The following LDHD variants were observed in gnomAD, a reference collection of about 807,000 sequenced individuals.
LDHD encodes D-lactate dehydrogenase, mitochondrial.
In LDHD, 58 loss-of-function variants were observed where a neutral mutation model predicts 52.9. The observed-to-expected ratio is 1.10, with a 90% CI of 0.89 to 1.36. LDHD has a LOEUF of 1.36. Ranked by LOEUF, LDHD falls within the 40% of genes most tolerant of loss-of-function variation. The pLI is 0.00. For missense variants in LDHD, 747 were observed against 668.0 expected (o/e 1.12, Z -1.30); for synonymous variants, 350 against 288.6 (o/e 1.21, Z -2.16).
chr16:75,113,514 T>G, intron 8 of LDHD, 21 bp downstream of exon 8: 1 of 1,595,260 alleles, frequency 6.3e-7, no homozygotes, highest in Non-Finnish European at 8.5e-7. Flanking sequence ...GGGCCCCATC[T>G]GTACCCCAGC....
rs773229316 is a variant in LDHD at position 75,116,747 on chromosome 16, G to A, written c.-27C>T. The A allele has an allele frequency of 4.7e-6, 7 of 1,495,400 alleles. No homozygotes were observed. In the African/African-American group the frequency reaches 8.5e-5, roughly 18 times the overall value. The allele number at this position is 1,495,400 out of a possible 1,614,324, so 92.6% of individuals were successfully genotyped here. A position where few individuals can be genotyped will look rare whatever the true frequency, so the allele number is the denominator to read the frequency against. ...GCCAGGCACTGGCCAGAGGGTGTGA[G>A]CACTGGGTGGCAGGGTGACCAGTCA... On this transcript the variant is annotated 5_prime_UTR_variant, in exon 1 of 11. Coordinates refer to ENST00000450168, the MANE Select transcript of LDHD (RefSeq NM_194436.3).
rs962188708 is a variant in LDHD, at chr16:75,114,172, C to T, written c.630-7G>A. The T allele has an allele frequency of 1.2e-6, 2 of 1,611,720 alleles. No homozygotes were observed. Among genetic ancestry groups the T allele is most frequent in the East Asian group, 2.2e-5 (1 of 44,890 alleles). ...GTAGCCGGCTGCACTCTTCCTACGTCCCAGGGACACACAAGGTGAGTACCA... is the reference window on the plus strand; with the variant it reads ...GTAGCCGGCTGCACTCTTCCTACGTTCCAGGGACACACAAGGTGAGTACCA... On this transcript the variant is annotated splice_polypyrimidine_tract_variant and splice_region_variant and intron_variant, in intron 5 of 10. Transcript: ENST00000450168.
At chr16:75,114,340 A>G in intron 5 of LDHD, 175 bp from the exon 6 acceptor site, 1 of 1,452,698 alleles carries the variant, frequency 6.9e-7, no homozygotes, top group Non-Finnish European at 9.2e-7. Flanking sequence ...AGTCGGCCTC[A>G]GGCAGGGAGA....
Position 75,112,318 on chromosome 16 carries a change from T to A in LDHD, c.*38A>T. The A allele has an allele frequency of 1.3e-6, 2 of 1,571,804 alleles. No individual in the cohort carries two copies. The highest frequency in any genetic ancestry group is 8.7e-7 in the Non-Finnish European group (1 of 1,153,984). ...AAGAAAAGTTCCAGAACCGGCTCCG[T>A]AGTCAGGGAACTTGTGGGCTAAGTG... On this transcript the variant is annotated 3_prime_UTR_variant, in exon 11 of 11. Coordinates refer to ENST00000450168, the MANE Select transcript of LDHD (RefSeq NM_194436.3).
intron 9 of LDHD, 35 bp downstream of exon 9, chr16:75,112,799 T>TC: frequency 1.2e-6 from 2 of 1,603,204 alleles, no homozygotes; most frequent in Admixed American, 3.4e-5. Flanking sequence ...CCCTGACACC[T>TC]CCCCACCTCT....
intron 1 of LDHD, among the ~76,000 whole-genome samples, chr16:75,115,983 G>A (rs8062827): frequency 0.015 from 2,240 of 152,178 alleles, 52 homozygotes; most frequent in African/African-American, 0.036. Flanking sequence ...GGGCTCAAGC[G>A]ATCCACCTGC....
At position 75,115,661 on chromosome 16, in the gene LDHD, C is replaced by T; in HGVS notation, c.73-1G>A. The T allele has an allele frequency of 6.3e-7, 1 of 1,590,288 alleles. No homozygotes were observed. Among genetic ancestry groups the T allele is most frequent in the Non-Finnish European group, 8.6e-7 (1 of 1,164,632 alleles). On this transcript the variant is annotated splice_acceptor_variant, in intron 1 of 10. Coordinates refer to ENST00000450168, the MANE Select transcript of LDHD (RefSeq NM_194436.3). LOFTEE classifies it high-confidence loss of function. The stretch of plus-strand genomic sequence containing the variant: ...CTACGAAGTCCCTGCAGAGCTCTCC[C>T]TGCAGGGAAGAAACACACTGCCAGG...
rs1161257895 is a variant in LDHD, at chr16:75,114,082, C to T, written c.713G>A (p.Arg238His). ...TLGLITATTL[R>H]LHPAPEATVA... ...TGTGGCCTCAGGGGCAGGGTGCAGG[C>T]GCAGGGTGGTGGCTGTGATGAGGCC... Residue 238 changes from arginine to histidine, a missense_variant, in exon 6 of 11, where the codon CGC becomes CAC. By Grantham distance (29) the Arg-to-His change is conservative (BLOSUM62 0). Transcript: ENST00000450168. 20 of 1,611,480 alleles carry T rather than the reference C, an allele frequency of 1.2e-5. No individual in the cohort carries two copies. In the East Asian group the frequency reaches 1.6e-4, roughly 13 times the overall value.
chr16:75,112,683 T>TTGCCGTCACCCACA lies in LDHD; in HGVS notation c.1194_1207dup (p.Asn403MetfsTer75). ...GTTGACCAGCAGGATGCAGTGGAAG[T>TTGCCGTCACCCACA]TGCCGTCACCCACATGCCCGACAAT... On this transcript the variant is annotated frameshift_variant, in exon 10 of 11. Transcript: ENST00000450168. LOFTEE classifies it high-confidence loss of function. The TTGCCGTCACCCACA allele has an allele frequency of 6.2e-7, 1 of 1,614,092 alleles. No individual in the cohort carries two copies. The highest frequency in any genetic ancestry group is 8.5e-7 in the Non-Finnish European group (1 of 1,180,022).
At chr16:75,116,013 G>A (rs1248855791) in intron 1 of LDHD, among the ~76,000 whole-genome samples, 2 of 152,132 alleles carry the variant, frequency 1.3e-5, no homozygotes, top group Non-Finnish European at 2.9e-5. Context: ...CCAAAGTGCT[G>A]GGGTTACAGG....
rs1312457212 is a variant in LDHD at position 75,114,033 on chromosome 16, G to A, written c.762C>T (p.Pro254=). Residue 254 remains proline (P), a synonymous_variant, in exon 6 of 11, where the codon CCC becomes CCT. Coordinates refer to ENST00000450168, the MANE Select transcript of LDHD (RefSeq NM_194436.3). The part of the protein sequence containing the change: ...EATVAATCAF[P]SVQAAVDSTV... ...TGCTGTCCACAGCAGCCTGGACACT[G>A]GGGAACGCACACGTGGCGGCCACTG... 1 of 1,609,228 alleles carries A rather than the reference G, an allele frequency of 6.2e-7. No homozygotes were observed. The highest frequency in any genetic ancestry group is 8.5e-7 in the Non-Finnish European group (1 of 1,179,352).
chr16:75,113,430 C>T (rs1394713058), intron 8 of LDHD, 105 bp downstream of exon 8: 14 of 1,386,802 alleles, frequency 1.0e-5, no homozygotes, highest in South Asian at 5.6e-5. Flanking sequence ...GGCCCAGCCC[C>T]GTTGTTGAGG....
intron 10 of LDHD, 34 bp downstream of exon 10, chr16:75,112,568 C>T: frequency 6.2e-7 from 1 of 1,613,706 alleles, no homozygotes; most frequent in Non-Finnish European, 8.5e-7. Context: ...TTTCCTCTGC[C>T]CTCAGCTCTT....
chr16:75,116,259 G>A (rs902803824), intron 1 of LDHD, among the ~76,000 whole-genome samples: 2 of 152,188 alleles, frequency 1.3e-5, no homozygotes, highest in African/African-American at 2.4e-5. Context: ...ACGTTGCCTG[G>A]GGCTTCTGGG....
rs139602147 is a variant in LDHD at position 75,114,749 on chromosome 16, G to A, written c.470-64C>T. ...AGGTCCTTTCCCTCGGGCTGGGGGA[G>A]GAAGGTCCCCTGAACCCCAGACACA... is the stretch of plus-strand genomic sequence containing the variant. On this transcript the variant is annotated intron_variant, in intron 4 of 10. Transcript: ENST00000450168. 1.6e-3 allele frequency: 2,467 copies of A among 1,565,458 alleles called. 3 individuals are homozygous for A. The highest frequency in any genetic ancestry group is 2.0e-3 in the Non-Finnish European group (2,268 of 1,153,836).
Position 75,114,838 on chromosome 16 carries a change from C to T in LDHD, c.458G>A (p.Trp153Ter). Residue 153 changes from tryptophan (W) to a stop codon, truncating the protein, a stop_gained, in exon 4 of 11, where the codon TGG becomes TAG. Transcript: ENST00000450168. LOFTEE classifies it high-confidence loss of function. Reference sequence around the variant, plus strand: ...TTCGCGAGTCCTACCCACGGGAAACCAGAGGCCGCTGTCCCGCAGGTGGGC... The same window carrying T: ...TTCGCGAGTCCTACCCACGGGAAACTAGAGGCCGCTGTCCCGCAGGTGGGC... ...LNAHLRDSGL[W>*]FPVDPGADAS... The T allele has an allele frequency of 3.7e-6, 6 of 1,613,152 alleles. No individual in the cohort carries two copies. In the South Asian group the frequency reaches 6.6e-5, roughly 18 times the overall value.
Position 75,113,886 on chromosome 16 carries a change from T to A in LDHD, c.830-16A>T. On this transcript the variant is annotated splice_polypyrimidine_tract_variant and intron_variant, in intron 6 of 10. Coordinates refer to ENST00000450168, the MANE Select transcript of LDHD (RefSeq NM_194436.3). Reference sequence around the variant, plus strand: ...TCCAGGAACTCTGGATCCAGGGAGATGGCAGGCCAGGTGAGGCCTGGCCTT... The same window carrying A: ...TCCAGGAACTCTGGATCCAGGGAGAAGGCAGGCCAGGTGAGGCCTGGCCTT... 6.2e-7 allele frequency: 1 copy of A among 1,613,682 alleles called. No homozygotes were observed. The highest frequency in any genetic ancestry group is 2.2e-5 in the East Asian group (1 of 44,866).
chr16:75,114,348 A>G, intron 5 of LDHD, 178 bp downstream of exon 5: 19 of 1,434,726 alleles, frequency 1.3e-5, no homozygotes, highest in Non-Finnish European at 1.6e-5. Flanking sequence ...TCAGGCAGGG[A>G]GAGCAAACCC....
rs1002000786 is a variant in LDHD at position 75,112,125 on chromosome 16, C to A, written c.*231G>T. The A allele has an allele frequency of 1.8e-6, 1 of 545,976 alleles. No individual in the cohort carries two copies. Among genetic ancestry groups the A allele is most frequent in the Non-Finnish European group, 3.2e-6 (1 of 310,078 alleles). 33.8% of individuals were successfully genotyped at this position (545,976 alleles called of 1,614,324 possible). ...AGGAAGCAGCTTTGCTGGGAACCACCCTGGGTCGTTTACTGAACCAAAGGC... is the reference window on the plus strand; with the variant it reads ...AGGAAGCAGCTTTGCTGGGAACCACACTGGGTCGTTTACTGAACCAAAGGC... On this transcript the variant is annotated 3_prime_UTR_variant, in exon 11 of 11. Coordinates refer to ENST00000450168, the MANE Select transcript of LDHD (RefSeq NM_194436.3).
Sources: gnomAD v4.1 joint callset for allele counts (sites outside exome capture counted in the v4.1 genomes callset) on GRCh38, gnomAD v4.1.1 for gene constraint, MANE v1.5 for transcripts, NCBI Gene and HGNC (gene_info 2026-07-23, HGNC 2026-07-21) for gene names.